TMEM132D: variants seen among roughly 807,000 people sequenced by gnomAD.
TMEM132D encodes transmembrane protein 132D, also known as mature OL transmembrane protein.
A neutral mutation model predicts 62.3 loss-of-function variants in TMEM132D; 21 were observed. The observed-to-expected ratio is 0.34, with a 90% CI of 0.24 to 0.49. TMEM132D has a LOEUF of 0.49. Ranked by LOEUF, TMEM132D falls within the 20% of genes least tolerant of loss-of-function variation. The pLI, the probability that TMEM132D is intolerant of heterozygous loss-of-function variation, is 0.99. For missense variants in TMEM132D, 1,346 were observed against 1,402.8 expected, an observed-to-expected ratio of 0.96 and a Z score of 0.65; for synonymous variants, 621 against 575.6, an observed-to-expected ratio of 1.08 and a Z score of -1.13.
intron 5 of TMEM132D, among the ~76,000 whole-genome samples, chr12:129,176,960 G>T (rs992597132): frequency 6.6e-6 from 1 of 152,224 alleles, no homozygotes; most frequent in Admixed American, 6.5e-5. Context: ...TGCAAACACA[G>T]CCAGGACTGC....
At chr12:129,652,402 T>C (rs1879953541) in intron 2 of TMEM132D, among the ~76,000 whole-genome samples, 2 of 152,196 alleles carry the variant, frequency 1.3e-5, no homozygotes, top group African/African-American at 2.4e-5. Flanking sequence ...GCGAATGTAT[T>C]ATGTTACCTG....
intron 2 of TMEM132D, among the ~76,000 whole-genome samples, chr12:129,612,170 A>G (rs372899925): frequency 6.6e-6 from 1 of 152,100 alleles, no homozygotes; most frequent in Non-Finnish European, 1.5e-5. Flanking sequence ...CATTTCAATG[A>G]CGGGCCCTGT....
chr12:129,152,355 G>T (rs10773602), intron 5 of TMEM132D, among the ~76,000 whole-genome samples: 3 of 152,130 alleles, frequency 2.0e-5, no homozygotes, highest in East Asian at 1.9e-4. Flanking sequence ...CAGAGCCCCA[G>T]GTCCATCTCA....
At chr12:129,414,679 C>T (rs1035462848) in intron 3 of TMEM132D, among the ~76,000 whole-genome samples, 1 of 152,210 alleles carries the variant, frequency 6.6e-6, no homozygotes, top group Non-Finnish European at 1.5e-5. Flanking sequence ...GATGTCCTCT[C>T]TTAGCATATT....
intron 1 of TMEM132D, among the ~76,000 whole-genome samples, chr12:129,855,122 G>A (rs979540296): frequency 2.9e-5 from 4 of 136,876 alleles, no homozygotes; most frequent in Non-Finnish European, 4.9e-5. Flanking sequence ...CGGGATGGCT[G>A]CCCTTGTAAC....
At chr12:129,185,717 C>G (rs979068075) in intron 5 of TMEM132D, among the ~76,000 whole-genome samples, 5 of 143,310 alleles carry the variant, frequency 3.5e-5, no homozygotes, top group East Asian at 1.9e-4. Context: ...CTGTCTGTCT[C>G]TATCTATCTG....
At chr12:129,532,756 C>A (rs1229554597) in intron 2 of TMEM132D, among the ~76,000 whole-genome samples, 1 of 152,176 alleles carries the variant, frequency 6.6e-6, no homozygotes, top group Non-Finnish European at 1.5e-5. Context: ...GCAGAGGGTG[C>A]CCCCATGAGC....
intron 4 of TMEM132D, among the ~76,000 whole-genome samples, chr12:129,311,014 C>G (rs529628796): frequency 2.1e-5 from 2 of 95,934 alleles, no homozygotes; most frequent in African/African-American, 5.3e-5. Context: ...CTGGCTAACA[C>G]GGTGAAACCC....
At chr12:129,166,740 T>TAC (rs1306704486) in intron 5 of TMEM132D, among the ~76,000 whole-genome samples, 120 of 147,792 alleles carry the variant, frequency 8.1e-4, no homozygotes, top group African/African-American at 1.8e-3. Context: ...TATATATATA[T>TAC]ACACATATAC....
Position 129,531,148 on chromosome 12 carries a change from A to T in TMEM132D, c.1026T>A (p.Ile342=). 1.2e-6 allele frequency: 2 copies of T among 1,613,800 alleles called. No homozygotes were observed. The highest frequency in any genetic ancestry group is 1.7e-6 in the Non-Finnish European group (2 of 1,179,906). The part of the protein sequence containing the change: ...IIGVRASSPS[I]WDVKERTDYT... The stretch of plus-strand genomic sequence containing the variant: ...AATCCGTGCGCTCCTTGACATCCCA[A>T]ATGGAAGGGCTGCTGGCTCGCACGC... The change falls in exon 3 of 9, where the codon ATT becomes ATA. Residue 342 remains isoleucine (I), a synonymous_variant. Coordinates refer to ENST00000422113, the MANE Select transcript of TMEM132D (RefSeq NM_133448.3).
At chr12:129,645,462 A>C (rs888626715) in intron 2 of TMEM132D, among the ~76,000 whole-genome samples, 1 of 152,166 alleles carries the variant, frequency 6.6e-6, no homozygotes, top group Non-Finnish European at 1.5e-5. Flanking sequence ...ATAACTTTGT[A>C]TGCCTTTTCT....
chr12:129,104,985 C>A (rs112319565), intron 5 of TMEM132D, among the ~76,000 whole-genome samples: 6 of 146,338 alleles, frequency 4.1e-5, no homozygotes, highest in Non-Finnish European at 7.4e-5. Context: ...GTCAGTGTGG[C>A]GATTCCTCAG....
At chr12:129,457,339 G>T (rs1254832274) in intron 3 of TMEM132D, among the ~76,000 whole-genome samples, 1 of 148,006 alleles carries the variant, frequency 6.8e-6, no homozygotes, top group African/African-American at 2.5e-5. Flanking sequence ...CTATTGCAAG[G>T]ACAAAAAACC....
chr12:129,572,373 G>A (rs1450826251), intron 2 of TMEM132D, among the ~76,000 whole-genome samples: 3 of 152,206 alleles, frequency 2.0e-5, no homozygotes, highest in Non-Finnish European at 4.4e-5. Context: ...GGTCTAAGGC[G>A]GGAAGTGGGA....
At chr12:129,304,809 G>T (rs541509225) in intron 4 of TMEM132D, among the ~76,000 whole-genome samples, 1 of 151,814 alleles carries the variant, frequency 6.6e-6, no homozygotes, top group Non-Finnish European at 1.5e-5. Flanking sequence ...GATTATAGGC[G>T]TGCGCCACTA....
At chr12:129,114,543 G>A (rs931187665) in intron 5 of TMEM132D, among the ~76,000 whole-genome samples, 2 of 151,538 alleles carry the variant, frequency 1.3e-5, no homozygotes, top group Non-Finnish European at 2.9e-5. Flanking sequence ...ATCGCATACA[G>A]CTAAGTGTAC....
At chr12:129,130,137 A>AC (rs71449393) in intron 5 of TMEM132D, among the ~76,000 whole-genome samples, 23,201 of 151,016 alleles carry the variant, frequency 0.15, 2,043 homozygotes, top group East Asian at 0.3. Flanking sequence ...TGTCCCTGGA[A>AC]CCCCTCTCTA....
At chr12:129,814,334 G>T (rs1401037432) in intron 1 of TMEM132D, among the ~76,000 whole-genome samples, 1 of 152,130 alleles carries the variant, frequency 6.6e-6, no homozygotes, top group African/African-American at 2.4e-5. Context: ...CTAACGCCAG[G>T]TGCGGTGGCT....
intron 1 of TMEM132D, among the ~76,000 whole-genome samples, chr12:129,738,614 A>G (rs1349636812): frequency 2.0e-5 from 3 of 152,172 alleles, no homozygotes; most frequent in Non-Finnish European, 4.4e-5. Context: ...AGGAAATTGG[A>G]AATCTATAGA....
Sources: gnomAD v4.1 joint callset for allele counts (sites outside exome capture counted in the v4.1 genomes callset) on GRCh38, gnomAD v4.1.1 for gene constraint, MANE v1.5 for transcripts, NCBI Gene and HGNC (gene_info 2026-07-23, HGNC 2026-07-21) for gene names.